Variants in LARS1 observed in about 807,000 individuals in gnomAD.
LARS1 encodes the protein leucyl-tRNA synthetase 1.
In LARS1, 100 loss-of-function variants were observed where a neutral mutation model predicts 162.8. That is an observed-to-expected ratio of 0.61 (90% confidence interval 0.52 to 0.73). LARS1 has a LOEUF of 0.73. LARS1 is among the 30% of genes least tolerant of loss of function. The pLI is 0.00. For missense variants in LARS1, 1,258 were observed against 1,408.9 expected, an observed-to-expected ratio of 0.89 and a Z score of 1.71; for synonymous variants, 457 against 462.8, an observed-to-expected ratio of 0.99 and a Z score of 0.16.
intron 21 of LARS1, among the ~76,000 whole-genome samples, chr5:146,135,923 T>C (rs564330004): frequency 6.6e-4 from 101 of 152,360 alleles, no homozygotes; most frequent in Middle Eastern, 3.4e-3. Context: ...CACTGTGATT[T>C]AGCCTATACT....
At chr5:146,170,538 T>C (rs753498328) in intron 4 of LARS1, among the ~76,000 whole-genome samples, 5 of 151,770 alleles carry the variant, frequency 3.3e-5, no homozygotes, top group African/African-American at 7.3e-5. Flanking sequence ...GACTACAGAT[T>C]AGATGAAGAC....
chr5:146,127,842 C>T (rs1049209459), intron 27 of LARS1, among the ~76,000 whole-genome samples: 1 of 152,060 alleles, frequency 6.6e-6, no homozygotes, highest in Non-Finnish European at 1.5e-5. Flanking sequence ...AGCAGCTTTT[C>T]TTAGCATTTC....
At chr5:146,172,069 A>T in intron 3 of LARS1, 79 bp from the exon 4 acceptor site, 1 of 1,301,124 alleles carries the variant, frequency 7.7e-7, no homozygotes, top group Non-Finnish European at 1.1e-6. Flanking sequence ...ACACAAAAAA[A>T]TTAGTTTTCT....
At chr5:146,144,415 A>T (rs1232491201) in intron 17 of LARS1, 57 bp downstream of exon 17, 1 of 1,596,646 alleles carries the variant, frequency 6.3e-7, no homozygotes, top group Non-Finnish European at 8.5e-7. Flanking sequence ...TTTCAACTTT[A>T]CTGTTTCCAC....
At chr5:146,150,626 C>CAAAAAAAAAAAA (rs71581862) in intron 14 of LARS1, among the ~76,000 whole-genome samples, 1 of 68,818 alleles carries the variant, frequency 1.5e-5, no homozygotes, top group Non-Finnish European at 2.8e-5. Context: ...GACTCCGTCT[C>CAAAAAAAAAAAA]AAAAAAAAAA....
chr5:146,122,784 T>G (rs939734889), intron 29 of LARS1, among the ~76,000 whole-genome samples, 197 bp from the exon 30 acceptor site: 1 of 152,060 alleles, frequency 6.6e-6, no homozygotes, highest in African/African-American at 2.4e-5. Context: ...TGTCTCATAG[T>G]ATTGTTATTT....
rs1370949541 is a variant in LARS1, at chr5:146,133,094, A to G, written c.2213-13T>C. ...GCCAAACGCATTCCTGGAAGAAGAA[A>G]AAAAAATTCAATGCATTAAAAATAT... On this transcript the variant is annotated splice_polypyrimidine_tract_variant and intron_variant, in intron 22 of 31. Transcript: ENST00000394434. 6.2e-7 allele frequency: 1 copy of G among 1,611,656 alleles called. No individual in the cohort carries two copies. Among genetic ancestry groups the G allele is most frequent in the Non-Finnish European group, 8.5e-7 (1 of 1,178,810 alleles).
intron 14 of LARS1, 113 bp downstream of exon 14, chr5:146,151,749 C>G: frequency 1.0e-6 from 1 of 995,548 alleles, no homozygotes; most frequent in Non-Finnish European, 1.5e-6. Context: ...ATATTAAGCT[C>G]TCAAATCAAT....
intron 31 of LARS1, among the ~76,000 whole-genome samples, chr5:146,114,862 G>A (rs2126336294): frequency 6.6e-6 from 1 of 151,816 alleles, no homozygotes. Flanking sequence ...TGACCAACAT[G>A]GTGAAACCCC....
chr5:146,150,863 CGGAAGTT>C (rs1301468371), intron 14 of LARS1, among the ~76,000 whole-genome samples: 1 of 151,156 alleles, frequency 6.6e-6, no homozygotes, highest in Non-Finnish European at 1.5e-5. Context: ...CGCTTGAACC[CGGAAGTT>C]GGAGGCTGCA....
chr5:146,114,114 C>T lies in LARS1; in HGVS notation c.3523G>A (p.Val1175Ile). ...CTCCAATGTGCATGAGTTTAATGAA[C>T]CAGATAGATTATTGTATCGCCAATA... ...VDIGDTIIYL[V>I]H Residue 1175 changes from valine (V) to isoleucine (I), a missense_variant, in exon 32 of 32, where the codon GTT becomes ATT. Transcript: ENST00000394434. The T allele has an allele frequency of 6.2e-7, 1 of 1,611,766 alleles. No individual in the cohort carries two copies. Among genetic ancestry groups the T allele is most frequent in the Non-Finnish European group, 8.5e-7 (1 of 1,178,580 alleles).
intron 14 of LARS1, 51 bp downstream of exon 14, chr5:146,151,811 T>A (rs1753301792): frequency 6.7e-7 from 1 of 1,502,244 alleles, no homozygotes; most frequent in African/African-American, 1.4e-5. Flanking sequence ...ATTAAGAAAA[T>A]CACAGAGCAT....
intron 29 of LARS1, among the ~76,000 whole-genome samples, chr5:146,122,883 C>A (rs998115358): frequency 4.0e-5 from 6 of 151,816 alleles, no homozygotes; most frequent in Non-Finnish European, 8.8e-5. Context: ...GAGGCTTCCA[C>A]TTAAGACAAA....
intron 1 of LARS1, chr5:146,179,681 C>G (rs1241304912): frequency 4.5e-6 from 2 of 442,736 alleles, no homozygotes; most frequent in Non-Finnish European, 4.5e-6. Context: ...CTCACCGCAG[C>G]CTTGACCTAC....
chr5:146,132,294 G>A (rs1250560741), intron 23 of LARS1: 1 of 151,716 alleles, frequency 6.6e-6, no homozygotes, highest in Non-Finnish European at 1.5e-5. Context: ...GACAGTGCGA[G>A]ACTCTGTCTC....
intron 14 of LARS1, among the ~76,000 whole-genome samples, chr5:146,151,562 T>G (rs1307225871): frequency 1.3e-5 from 2 of 152,314 alleles, no homozygotes; most frequent in East Asian, 3.9e-4. Flanking sequence ...TATTCTCCAT[T>G]CAATAAATCT....
At position 146,164,894 on chromosome 5, in the gene LARS1, T is replaced by C. The variant is rs192032122; in HGVS notation, c.433-423A>G. Among the ~76,000 whole-genome samples, 19 of 152,224 alleles carry C rather than the reference T, an allele frequency of 1.2e-4. No individual in the cohort carries two copies. The East Asian group carries it at 3.1e-3, about 25-fold the overall frequency. On this transcript the variant is annotated intron_variant, in intron 5 of 31. Coordinates refer to ENST00000394434, the MANE Select transcript of LARS1 (RefSeq NM_020117.11). ...CCAAGAGACAACCAAATGCCAGAAG[T>C]TGAAGGTAGGAAATTTGGTTAAACT...
At chr5:146,137,353 T>A (rs1581029187) in intron 21 of LARS1, among the ~76,000 whole-genome samples, 1 of 150,138 alleles carries the variant, frequency 6.7e-6, no homozygotes, top group South Asian at 2.1e-4. Context: ...CTTTTTTTTT[T>A]AAGTCAAGTA....
Position 146,120,521 on chromosome 5 carries a change from A to C in LARS1, c.3193-18T>G, listed in dbSNP as rs144388953. Reference sequence around the variant, plus strand: ...ACACCAGGCTAGGAAAACAACAAGAAAATGATTGTTTAACTTGAATACTGC... The same window carrying C: ...ACACCAGGCTAGGAAAACAACAAGACAATGATTGTTTAACTTGAATACTGC... On this transcript the variant is annotated intron_variant, in intron 30 of 31. Transcript: ENST00000394434. 2,655 of 1,605,902 alleles carry C rather than the reference A, an allele frequency of 1.7e-3. 13 individuals are homozygous for C. Among genetic ancestry groups the C allele is most frequent in the South Asian group, 4.7e-3 (418 of 89,574 alleles).
Sources: gnomAD v4.1 joint callset for allele counts (sites outside exome capture counted in the v4.1 genomes callset) on GRCh38, gnomAD v4.1.1 for gene constraint, MANE v1.5 for transcripts, NCBI Gene and HGNC (gene_info 2026-07-23, HGNC 2026-07-21) for gene names.